The following ST6GALNAC5 variants were observed in gnomAD, a reference collection of about 807,000 sequenced individuals.
The protein encoded by ST6GALNAC5 is ST6 N-acetylgalactosaminide alpha-2,6-sialyltransferase 5.
A neutral mutation model predicts 33.6 loss-of-function variants in ST6GALNAC5; 27 were observed. That is an observed-to-expected ratio of 0.80 (90% CI 0.59 to 1.11). The LOEUF (loss-of-function observed/expected upper bound fraction) is 1.11, where lower values mean the gene tolerates loss of function less well. ST6GALNAC5 is among the 50% of genes least tolerant of loss of function. The probability of loss-of-function intolerance (pLI) is 0.00; values close to 1 mark genes in which losing one functional copy is unlikely to be tolerated. For synonymous variants in ST6GALNAC5, 194 were observed against 171.2 expected (o/e 1.13, Z -1.04); for missense variants, 428 against 454.0 (o/e 0.94, Z 0.52).
chr1:76,971,986 A>G (rs1648776936), intron 2 of ST6GALNAC5, among the ~76,000 whole-genome samples: 1 of 152,158 alleles, frequency 6.6e-6, no homozygotes, highest in African/African-American at 2.4e-5. Flanking sequence ...AAGTTTTCAT[A>G]CTGATCTTTC....
At chr1:76,934,591 C>A (rs967862380) in intron 2 of ST6GALNAC5, among the ~76,000 whole-genome samples, 2 of 152,020 alleles carry the variant, frequency 1.3e-5, no homozygotes, top group African/African-American at 2.4e-5. Flanking sequence ...ATGCCTTTCT[C>A]AAATGCTATA....
At chr1:76,885,100 T>C (rs969206605) in intron 2 of ST6GALNAC5, among the ~76,000 whole-genome samples, 3 of 152,196 alleles carry the variant, frequency 2.0e-5, no homozygotes, top group Non-Finnish European at 4.4e-5. Flanking sequence ...TATATCTCTT[T>C]CAGGGTTTTG....
At chr1:77,022,993 T>C (rs1457425692) in intron 2 of ST6GALNAC5, among the ~76,000 whole-genome samples, 1 of 152,044 alleles carries the variant, frequency 6.6e-6, no homozygotes, top group African/African-American at 2.4e-5. Context: ...CTTAAGGAGG[T>C]AATTAAGTTG....
At position 76,881,719 on chromosome 1, in the gene ST6GALNAC5, C is replaced by A. The variant is rs1043981511; in HGVS notation, c.261+12977C>A. 4.6e-5 allele frequency among the ~76,000 whole-genome samples: 7 copies of A among 152,136 alleles called. No homozygotes were observed. The East Asian group carries it at 9.6e-4, about 21-fold the overall frequency. ...ATAAGCCTACCTCAAGAGTTTCTAACCATTTGGAGTTACTGAAAAGGAATA... is the reference window on the plus strand; with the variant it reads ...ATAAGCCTACCTCAAGAGTTTCTAAACATTTGGAGTTACTGAAAAGGAATA... On this transcript the variant is annotated intron_variant, in intron 2 of 4. Transcript: ENST00000477717.
At chr1:77,015,529 A>G (rs1310204388) in intron 2 of ST6GALNAC5, among the ~76,000 whole-genome samples, 4 of 152,180 alleles carry the variant, frequency 2.6e-5, no homozygotes, top group African/African-American at 7.2e-5. Flanking sequence ...ATTATGTATC[A>G]ATAAAAATTG....
intron 2 of ST6GALNAC5, among the ~76,000 whole-genome samples, chr1:77,005,076 C>A (rs1196734974): frequency 5.9e-5 from 9 of 151,680 alleles, no homozygotes; most frequent in Non-Finnish European, 1.0e-4. Context: ...CAATGGCGGG[C>A]GCCCCTCCCC....
chr1:76,927,106 T>C (rs1647093664), intron 2 of ST6GALNAC5, among the ~76,000 whole-genome samples: 1 of 152,110 alleles, frequency 6.6e-6, no homozygotes, highest in South Asian at 2.1e-4. Context: ...TATTTGTCTT[T>C]TGATTTATGA....
intron 2 of ST6GALNAC5, among the ~76,000 whole-genome samples, chr1:76,979,668 T>A (rs858588): frequency 0.024 from 3,581 of 152,296 alleles, 144 homozygotes; most frequent in African/African-American, 0.082. Context: ...AGCTCATGCC[T>A]GTAATTCCAG....
intron 4 of ST6GALNAC5, among the ~76,000 whole-genome samples, chr1:77,054,357 A>G (rs1332067789): frequency 6.6e-6 from 1 of 152,202 alleles, no homozygotes; most frequent in African/African-American, 2.4e-5. Context: ...AGCCAGGACA[A>G]CAGGAATATT....
chr1:76,972,545 G>A (rs542826212), intron 2 of ST6GALNAC5, among the ~76,000 whole-genome samples: 1 of 152,138 alleles, frequency 6.6e-6, no homozygotes, highest in South Asian at 2.1e-4. Context: ...GTATACGTTT[G>A]TCCCATATTA....
At chr1:76,896,687 A>G (rs948188966) in intron 2 of ST6GALNAC5, among the ~76,000 whole-genome samples, 37 of 152,292 alleles carry the variant, frequency 2.4e-4, no homozygotes, top group Non-Finnish European at 3.8e-4. Context: ...AACAATGGTA[A>G]TTGTCGGACT....
At chr1:76,879,072 C>A (rs914971858) in intron 2 of ST6GALNAC5, among the ~76,000 whole-genome samples, 4 of 152,162 alleles carry the variant, frequency 2.6e-5, no homozygotes, top group African/African-American at 9.7e-5. Flanking sequence ...TAGGACTCTT[C>A]AAAAACATAA....
chr1:76,922,117 A>G (rs1398227044), intron 2 of ST6GALNAC5, among the ~76,000 whole-genome samples: 1 of 152,206 alleles, frequency 6.6e-6, no homozygotes, highest in African/African-American at 2.4e-5. Flanking sequence ...ATTCCAAGGA[A>G]TCTACAAAAC....
chr1:76,868,911 C>A lies in ST6GALNAC5; in HGVS notation c.261+169C>A. 1 of 1,112,858 alleles carries A rather than the reference C, an allele frequency of 9.0e-7. No homozygotes were observed. The allele number at this position is 1,112,858 out of a possible 1,614,324, so 68.9% of individuals were successfully genotyped here. On this transcript the variant is annotated intron_variant, in intron 2 of 4. Transcript: ENST00000477717. The surrounding 1 kb of genome is among the most constrained non-coding windows in gnomAD (Gnocchi z 4.3). ...GGCTAGTTCCAACTTGGTATGAATT[C>A]TTATTTGGAGAAAGACACAAAGTTT...
At chr1:76,932,331 T>C (rs1314194431) in intron 2 of ST6GALNAC5, among the ~76,000 whole-genome samples, 1 of 152,072 alleles carries the variant, frequency 6.6e-6, no homozygotes, top group Non-Finnish European at 1.5e-5. Flanking sequence ...ATAGAATACA[T>C]CTTTCTCTGA....
At chr1:76,970,694 G>A (rs1570722183) in intron 2 of ST6GALNAC5, among the ~76,000 whole-genome samples, 1 of 152,078 alleles carries the variant, frequency 6.6e-6, no homozygotes, top group Non-Finnish European at 1.5e-5. Flanking sequence ...TCAAATTCAG[G>A]AAATACAGAG....
chr1:77,029,593 G>A (rs1651375130), intron 2 of ST6GALNAC5, among the ~76,000 whole-genome samples: 1 of 152,230 alleles, frequency 6.6e-6, no homozygotes, highest in Non-Finnish European at 1.5e-5. Flanking sequence ...CGAAGTCCCT[G>A]ACTGGGCAGC....
chr1:76,867,499 A>G lies in ST6GALNAC5; in HGVS notation c.-177A>G. 1 of 895,096 alleles carries G rather than the reference A, an allele frequency of 1.1e-6. No individual in the cohort carries two copies. Among genetic ancestry groups the G allele is most frequent in the Non-Finnish European group, 1.8e-6 (1 of 545,430 alleles). 55.4% of individuals were successfully genotyped at this position (895,096 alleles called of 1,614,324 possible). On this transcript the variant is annotated 5_prime_UTR_variant, in exon 1 of 5. Transcript: ENST00000477717. ...CGGTTCAGTTTTAATTCTGTCTCTA[A>G]TCTCTGCAACAGCCGCGCTTCCCGG...
intron 2 of ST6GALNAC5, among the ~76,000 whole-genome samples, chr1:76,878,160 A>G (rs1185204168): frequency 6.6e-6 from 1 of 152,214 alleles, no homozygotes; most frequent in Non-Finnish European, 1.5e-5. Context: ...TGCAATCCCT[A>G]CAGGGATGCG....
Sources: gnomAD v4.1 joint callset for allele counts (sites outside exome capture counted in the v4.1 genomes callset) on GRCh38, gnomAD v4.1.1 for gene constraint, Gnocchi (gnomAD v3.1) non-coding constraint, MANE v1.5 for transcripts, NCBI Gene and HGNC (gene_info 2026-07-23, HGNC 2026-07-21) for gene names.